Variants in GLRA3 observed in about 807,000 individuals in gnomAD.
The protein encoded by GLRA3 is glycine receptor alpha 3.
Under a neutral mutation model 60.4 loss-of-function variants are expected in GLRA3, and 44 were observed. That is an observed-to-expected ratio of 0.73 (90% confidence interval 0.57 to 0.94). GLRA3 has a LOEUF of 0.94. Ranked by LOEUF, GLRA3 falls within the 40% of genes least tolerant of loss-of-function variation. The pLI, the probability that GLRA3 is intolerant of heterozygous loss-of-function variation, is 0.00. For synonymous variants in GLRA3, 223 were observed against 192.9 expected (o/e 1.16, Z -1.29); for missense variants, 508 against 564.6 (o/e 0.90, Z 1.02).
chr4:174,746,397 A>G (rs1358449506), intron 3 of GLRA3, among the ~76,000 whole-genome samples: 1 of 152,178 alleles, frequency 6.6e-6, no homozygotes, highest in Non-Finnish European at 1.5e-5. Flanking sequence ...CAGGTATGGA[A>G]AGACAAATAT....
intron 1 of GLRA3, among the ~76,000 whole-genome samples, chr4:174,800,229 A>C (rs1220030174): frequency 6.6e-6 from 1 of 152,144 alleles, no homozygotes; most frequent in Non-Finnish European, 1.5e-5. Flanking sequence ...AACATGCAAA[A>C]ATAAATGCAA....
At chr4:174,811,263 A>G (rs1377074693) in intron 1 of GLRA3, among the ~76,000 whole-genome samples, 2 of 151,738 alleles carry the variant, frequency 1.3e-5, no homozygotes, top group East Asian at 3.9e-4. Context: ...GTTGGATAAC[A>G]AACTTAATAA....
At chr4:174,733,905 T>A (rs1736663459) in intron 3 of GLRA3, among the ~76,000 whole-genome samples, 1 of 152,200 alleles carries the variant, frequency 6.6e-6, no homozygotes, top group Admixed American at 6.5e-5. Flanking sequence ...AAAACACCAC[T>A]CAATTTGTGG....
At position 174,793,334 on chromosome 4, in the gene GLRA3, T is replaced by G. The variant is rs558640232; in HGVS notation, c.72-4391A>C. Among the ~76,000 whole-genome samples, 18 of 152,162 alleles carry G rather than the reference T, an allele frequency of 1.2e-4. No homozygotes were observed. The South Asian group carries it at 3.7e-3, about 32-fold the overall frequency. On this transcript the variant is annotated intron_variant, in intron 1 of 9. Transcript: ENST00000274093. ...TCTCTTTGTGAGTAATTTTATTTAC[T>G]CCCATGGTATCAACTGCATACCATG...
rs1732686638 is a variant in GLRA3 at position 174,643,385 on chromosome 4, C to T, written c.*401G>A. ...TAAGAAAATAGTTTTAAATCTCAAA[C>T]TATTGGTTTACTGTGCAAAATTTGC... On this transcript the variant is annotated 3_prime_UTR_variant, in exon 10 of 10. Coordinates refer to ENST00000274093, the MANE Select transcript of GLRA3 (RefSeq NM_006529.4). 2 of 840,962 alleles carry T rather than the reference C, an allele frequency of 2.4e-6. No homozygotes were observed. Among genetic ancestry groups the T allele is most frequent in the Non-Finnish European group, 2.9e-6 (2 of 699,928 alleles). 52.1% of individuals were successfully genotyped at this position (840,962 alleles called of 1,614,324 possible).
intron 1 of GLRA3, among the ~76,000 whole-genome samples, chr4:174,805,034 A>G (rs1489851134): frequency 6.6e-6 from 1 of 152,118 alleles, no homozygotes; most frequent in Non-Finnish European, 1.5e-5. Context: ...TTCTATTGGC[A>G]CAGCTGTCGG....
At chr4:174,805,614 T>C (rs1344867853) in intron 1 of GLRA3, among the ~76,000 whole-genome samples, 1 of 152,122 alleles carries the variant, frequency 6.6e-6, no homozygotes, top group Admixed American at 6.6e-5. Flanking sequence ...GACACCTACT[T>C]AAGCAGCTCC....
chr4:174,781,350 C>T (rs1341352370), intron 2 of GLRA3, among the ~76,000 whole-genome samples: 1 of 148,634 alleles, frequency 6.7e-6, no homozygotes. Context: ...TAAATGCCCA[C>T]AAGAGAAAGC....
At chr4:174,663,069 G>A (rs1408748930) in intron 7 of GLRA3, among the ~76,000 whole-genome samples, 7 of 152,072 alleles carry the variant, frequency 4.6e-5, no homozygotes, top group African/African-American at 1.2e-4. Flanking sequence ...CAATTGGGTT[G>A]ATTTTCTTTT....
At chr4:174,718,262 C>A (rs963291653) in intron 4 of GLRA3, among the ~76,000 whole-genome samples, 2 of 152,174 alleles carry the variant, frequency 1.3e-5, no homozygotes, top group Admixed American at 6.5e-5. Flanking sequence ...AAATTAAAGA[C>A]ATGTCTTGAC....
chr4:174,808,555 C>G (rs1332195700), intron 1 of GLRA3, among the ~76,000 whole-genome samples: 1 of 152,034 alleles, frequency 6.6e-6, no homozygotes, highest in Non-Finnish European at 1.5e-5. Flanking sequence ...AGACTGCATG[C>G]GTTCTAGTTA....
At chr4:174,732,042 C>T (rs1347663572) in intron 3 of GLRA3, among the ~76,000 whole-genome samples, 2 of 152,090 alleles carry the variant, frequency 1.3e-5, no homozygotes, top group Non-Finnish European at 2.9e-5. Context: ...CTTTATACAT[C>T]GCCGCGAAAA....
In GLRA3 at chr4:174,747,198, A is replaced by C. The variant is rs554671416; in HGVS notation, c.268-18500T>G. Reference sequence around the variant, plus strand: ...AGTGGCCATGTGACCTAAGAGGTGAATATCAAAGAGTTAGACAACGAGGAC... The same window carrying C: ...AGTGGCCATGTGACCTAAGAGGTGACTATCAAAGAGTTAGACAACGAGGAC... On this transcript the variant is annotated intron_variant, in intron 3 of 9. Coordinates refer to ENST00000274093, the MANE Select transcript of GLRA3 (RefSeq NM_006529.4). Among the ~76,000 whole-genome samples the C allele has an allele frequency of 3.3e-5, 5 of 152,314 alleles. No homozygotes were observed. In the South Asian group the frequency reaches 1.0e-3, roughly 32 times the overall value.
chr4:174,825,204 C>T (rs1175362715), intron 1 of GLRA3, among the ~76,000 whole-genome samples: 1 of 151,990 alleles, frequency 6.6e-6, no homozygotes, highest in Middle Eastern at 3.2e-3. Context: ...GCTACACCTC[C>T]ATGTAGTAAA....
intron 1 of GLRA3, among the ~76,000 whole-genome samples, chr4:174,826,443 G>A (rs1471285006): frequency 1.3e-5 from 2 of 152,166 alleles, no homozygotes; most frequent in East Asian, 1.9e-4. Flanking sequence ...GAGGAAGAGG[G>A]TGGGGTGAGT....
intron 4 of GLRA3, among the ~76,000 whole-genome samples, chr4:174,727,550 C>A (rs574369196): frequency 6.6e-6 from 1 of 152,140 alleles, no homozygotes; most frequent in African/African-American, 2.4e-5. Context: ...TCTGTTCTTA[C>A]GTCCTGTTCT....
chr4:174,818,631 G>C (rs1740606384), intron 1 of GLRA3, among the ~76,000 whole-genome samples: 1 of 152,120 alleles, frequency 6.6e-6, no homozygotes, highest in Non-Finnish European at 1.5e-5. Flanking sequence ...AAATATTTTA[G>C]AATCTTTTCA....
intron 1 of GLRA3, among the ~76,000 whole-genome samples, chr4:174,812,654 C>T (rs10520294): frequency 0.13 from 19,122 of 152,062 alleles, 1,279 homozygotes; most frequent in South Asian, 0.17. Flanking sequence ...CTGAATATTA[C>T]GCTATACCTC....
intron 3 of GLRA3, among the ~76,000 whole-genome samples, chr4:174,761,697 A>G (rs1313371187): frequency 6.6e-6 from 1 of 152,226 alleles, no homozygotes; most frequent in African/African-American, 2.4e-5. Flanking sequence ...TCATTTAAAA[A>G]TACTGTACTA....
Sources: gnomAD v4.1 joint callset for allele counts (sites outside exome capture counted in the v4.1 genomes callset) on GRCh38, gnomAD v4.1.1 for gene constraint, MANE v1.5 for transcripts, NCBI Gene and HGNC (gene_info 2026-07-23, HGNC 2026-07-21) for gene names.